SLC6A13: variants seen among roughly 807,000 people sequenced by gnomAD.
SLC6A13 encodes sodium- and chloride-dependent GABA transporter 2.
SLC6A13 carries 69 observed loss-of-function variants against 72.9 expected under a neutral mutation model. That is an observed-to-expected ratio of 0.95 (90% confidence interval 0.78 to 1.16). The LOEUF (loss-of-function observed/expected upper bound fraction) is 1.16, where lower values mean the gene tolerates loss of function less well. Ranked by LOEUF, SLC6A13 falls within the 50% of genes most tolerant of loss-of-function variation. The pLI, the probability that SLC6A13 is intolerant of heterozygous loss-of-function variation, is 0.00. For synonymous variants in SLC6A13, 303 were observed against 303.0 expected, an observed-to-expected ratio of 1.00 and a Z score of 0.00; for missense variants, 735 against 760.5, an observed-to-expected ratio of 0.97 and a Z score of 0.39.
chr12:246,752 A>C (rs1465045154), intron 2 of SLC6A13, among the ~76,000 whole-genome samples: 1 of 152,210 alleles, frequency 6.6e-6, no homozygotes, highest in African/African-American at 2.4e-5. Context: ...TCATGCCTGT[A>C]ATCCCCGCAT....
intron 6 of SLC6A13, 42 bp from the exon 7 acceptor site, chr12:235,266 G>A (rs752830883): frequency 1.2e-6 from 2 of 1,612,264 alleles, no homozygotes; most frequent in East Asian, 2.2e-5. Flanking sequence ...TGTGAGTGAG[G>A]AAGCAGCAGG....
At chr12:252,362 TAGAA>T (rs1476227703) in intron 2 of SLC6A13, among the ~76,000 whole-genome samples, 4 of 152,204 alleles carry the variant, frequency 2.6e-5, no homozygotes, top group South Asian at 2.1e-4. Flanking sequence ...AGGAAGGAAT[TAGAA>T]AGAGACAGGA....
intron 4 of SLC6A13, among the ~76,000 whole-genome samples, chr12:239,692 TG>T (rs1942094994): frequency 6.6e-6 from 1 of 152,206 alleles, no homozygotes; most frequent in Non-Finnish European, 1.5e-5. Context: ...TCTTTGTTTT[TG>T]TTTATTACCA....
rs774063414 is a variant in SLC6A13, at chr12:242,535, G to C, written c.478+79C>G. 1.1e-4 allele frequency: 143 copies of C among 1,276,610 alleles called. 1 individual carries two copies. Among genetic ancestry groups the C allele is most frequent in the Non-Finnish European group, 1.5e-4 (140 of 912,734 alleles). 79.1% of individuals were successfully genotyped at this position (1,276,610 alleles called of 1,614,324 possible). ...GATTTCTGGTGTGTCCGTGTTAAGC[G>C]GGGATATAGTGACAAGCCCAATTCC... On this transcript the variant is annotated intron_variant, in intron 4 of 14. Transcript: ENST00000343164.
intron 7 of SLC6A13, among the ~76,000 whole-genome samples, chr12:234,798 A>C (rs928949136): frequency 6.6e-6 from 1 of 152,204 alleles, no homozygotes. Flanking sequence ...GATTACAGGC[A>C]TGAGCCACTG....
chr12:227,743 T>C, intron 7 of SLC6A13, 75 bp from the exon 8 acceptor site: 3 of 1,300,558 alleles, frequency 2.3e-6, no homozygotes, highest in Non-Finnish European at 2.1e-6. Context: ...GACACAGGCA[T>C]GTGGCTGAGC....
At chr12:224,339 C>G in intron 10 of SLC6A13, 62 bp downstream of exon 10, 1 of 1,474,558 alleles carries the variant, frequency 6.8e-7, no homozygotes, top group East Asian at 2.3e-5. Flanking sequence ...CCCATGGCTC[C>G]TCCTCCCCAG....
intron 10 of SLC6A13, 72 bp downstream of exon 10, chr12:224,329 C>A (rs1941349309): frequency 6.3e-6 from 9 of 1,428,222 alleles, no homozygotes; most frequent in Non-Finnish European, 8.9e-6. Context: ...CTGACATTCA[C>A]CCATGGCTCC....
At chr12:257,206 A>C (rs1159516937) in intron 2 of SLC6A13, 2 of 152,014 alleles carry the variant, frequency 1.3e-5, no homozygotes, top group East Asian at 3.9e-4. Flanking sequence ...AAAAAAAAAA[A>C]ACAGAAAAAT....
intron 7 of SLC6A13, among the ~76,000 whole-genome samples, chr12:231,389 C>A (rs1442186254): frequency 3.3e-5 from 5 of 152,196 alleles, no homozygotes; most frequent in Non-Finnish European, 1.5e-5. Context: ...ACATTTTGCA[C>A]CCTTCTCAAG....
intron 11 of SLC6A13, among the ~76,000 whole-genome samples, 161 bp from the exon 12 acceptor site, chr12:223,395 A>G (rs1213262167): frequency 6.6e-6 from 1 of 151,774 alleles, no homozygotes; most frequent in African/African-American, 2.4e-5. Flanking sequence ...GCCATAAAGC[A>G]TGAGGCGGAT....
rs772299588 is a variant in SLC6A13, at chr12:221,003, G to T, written c.1754C>A (p.Pro585His). 6.2e-7 allele frequency: 1 copy of T among 1,612,668 alleles called. No individual in the cohort carries two copies. The highest frequency in any genetic ancestry group is 8.5e-7 in the Non-Finnish European group (1 of 1,179,836). ...PQRNPAGPSA[P>H]ATPRTSLLRL... ...GAGCAGTGAGGTCCTGGGGGTGGCG[G>T]GAGCCGAGGGTCCTGCTGGGTTCCG... is the stretch of plus-strand genomic sequence containing the variant. The change falls in exon 15 of 15, where the codon CCC becomes CAC. Residue 585 changes from proline to histidine, a missense_variant. Coordinates refer to ENST00000343164, the MANE Select transcript of SLC6A13 (RefSeq NM_016615.5).
intron 4 of SLC6A13, chr12:238,233 T>A: frequency 6.6e-7 from 1 of 1,513,372 alleles, no homozygotes; most frequent in Non-Finnish European, 8.8e-7. Context: ...GATGCTTGGG[T>A]ATACATTCTC....
intron 2 of SLC6A13, among the ~76,000 whole-genome samples, 182 bp from the exon 3 acceptor site, chr12:243,995 T>A (rs555657735): frequency 1.6e-3 from 160 of 102,010 alleles, no homozygotes; most frequent in African/African-American, 5.6e-3. Context: ...CACCCCATTA[T>A]CTAAGATCTA....
intron 2 of SLC6A13, among the ~76,000 whole-genome samples, chr12:250,095 C>T (rs1302299192): frequency 1.3e-5 from 2 of 152,100 alleles, no homozygotes; most frequent in Non-Finnish European, 2.9e-5. Flanking sequence ...ATCCAACAGT[C>T]ATTCCTAATA....
intron 1 of SLC6A13, 124 bp from the exon 2 acceptor site, chr12:260,181 C>T (rs913025749): frequency 2.0e-6 from 2 of 991,562 alleles, no homozygotes; most frequent in Non-Finnish European, 3.0e-6. Context: ...CTATTCCCTT[C>T]CCTGTAGACC....
chr12:242,690 G>C lies in SLC6A13; in HGVS notation c.402C>G (p.Ala134=). The change falls in exon 4 of 15, where the codon GCC becomes GCG. Residue 134 remains alanine (A), a synonymous_variant. Coordinates refer to ENST00000343164, the MANE Select transcript of SLC6A13 (RefSeq NM_016615.5). ...LLNVYYIIVL[A]WALFYLFSSF... The stretch of plus-strand genomic sequence containing the variant: ...TGCTGAAGAGGTAGAACAGGGCCCA[G>C]GCCAACACAATGATGTAGTAGACGT... 1 of 1,611,588 alleles carries C rather than the reference G, an allele frequency of 6.2e-7. No individual in the cohort carries two copies. The highest frequency in any genetic ancestry group is 8.5e-7 in the Non-Finnish European group (1 of 1,178,944).
chr12:220,995 G>T lies in SLC6A13; in HGVS notation c.1762C>A (p.Pro588Thr). 1 of 1,612,886 alleles carries T rather than the reference G, an allele frequency of 6.2e-7. No individual in the cohort carries two copies. Among genetic ancestry groups the T allele is most frequent in the Non-Finnish European group, 8.5e-7 (1 of 1,179,864 alleles). Residue 588 changes from proline to threonine, a missense_variant, in exon 15 of 15, where the codon CCC becomes ACC. Pro to Thr is a conservative substitution (Grantham distance 38, BLOSUM62 -1). Coordinates refer to ENST00000343164, the MANE Select transcript of SLC6A13 (RefSeq NM_016615.5). Reference protein sequence around the residue: ...NPAGPSAPATPRTSLLRLTEL... With the variant: ...NPAGPSAPATTRTSLLRLTEL... ...GTGAGTCTGAGCAGTGAGGTCCTGG[G>T]GGTGGCGGGAGCCGAGGGTCCTGCT...
intron 7 of SLC6A13, among the ~76,000 whole-genome samples, chr12:230,937 G>T (rs1221505364): frequency 1.3e-5 from 2 of 152,214 alleles, no homozygotes; most frequent in Non-Finnish European, 2.9e-5. Flanking sequence ...GCATAGATTG[G>T]ATTTCAATAC....
Sources: allele counts gnomAD v4.1 joint callset (sites outside exome capture counted in the v4.1 genomes callset), GRCh38; gene constraint gnomAD v4.1.1; transcripts MANE v1.5; gene names NCBI Gene and HGNC (gene_info 2026-07-23, HGNC 2026-07-21).